RBM6: variants seen among roughly 807,000 people sequenced by gnomAD.
RBM6 encodes the protein RNA binding motif protein 6.
Under a neutral mutation model 140.4 loss-of-function variants are expected in RBM6, and 23 were observed. The observed-to-expected ratio is 0.16, with a 90% CI of 0.12 to 0.23. The LOEUF is 0.23. Among genes scored for constraint, RBM6 ranks in the 10% least tolerant of loss-of-function variants. The pLI, the probability that RBM6 is intolerant of heterozygous loss-of-function variation, is 1.00. For missense variants in RBM6, 1,139 were observed against 1,386.7 expected (o/e 0.82, Z 2.84); for synonymous variants, 439 against 475.6 (o/e 0.92, Z 1.00).
At chr3:49,944,564 C>A (rs950386932) in intron 1 of RBM6, among the ~76,000 whole-genome samples, 4 of 151,420 alleles carry the variant, frequency 2.6e-5, no homozygotes, top group Non-Finnish European at 4.4e-5. Flanking sequence ...CAACCTCTGC[C>A]TCCTGGGTTC....
intron 1 of RBM6, among the ~76,000 whole-genome samples, chr3:49,949,883 C>T (rs1210865721): frequency 6.6e-6 from 1 of 152,086 alleles, no homozygotes; most frequent in East Asian, 1.9e-4. Flanking sequence ...CCACCACGCT[C>T]AGCTAATTTA....
intron 6 of RBM6, among the ~76,000 whole-genome samples, chr3:50,040,679 T>C (rs2088864413): frequency 6.7e-6 from 1 of 150,346 alleles, no homozygotes; most frequent in African/African-American, 2.4e-5. Context: ...TTTTTTGAGA[T>C]TGGGTCTTAC....
At chr3:49,942,475 C>T (rs142562147) in intron 1 of RBM6, among the ~76,000 whole-genome samples, 124 of 141,544 alleles carry the variant, frequency 8.8e-4, no homozygotes, top group African/African-American at 1.8e-3. Flanking sequence ...GGCAACAGAG[C>T]GAGACTCCGA....
At position 49,967,149 on chromosome 3, in the gene RBM6, A is replaced by G; in HGVS notation, c.45-321A>G. On this transcript the variant is annotated intron_variant, in intron 2 of 20. Coordinates refer to ENST00000266022, the MANE Select transcript of RBM6 (RefSeq NM_005777.3). This position sits in a 1 kb window ranked among gnomAD's most constrained non-coding sequence, Gnocchi z 4.0. The stretch of plus-strand genomic sequence containing the variant: ...TGTAGGAAATGGAAATTTTTGTAGT[A>G]TGTCACCATTGTTAGCTTATTTGGT... 1.0e-6 allele frequency: 1 copy of G among 957,868 alleles called. No homozygotes were observed. The highest frequency in any genetic ancestry group is 1.3e-6 in the Non-Finnish European group (1 of 780,448). 59.3% of individuals were successfully genotyped at this position (957,868 alleles called of 1,614,324 possible).
intron 6 of RBM6, among the ~76,000 whole-genome samples, chr3:50,046,072 G>T (rs2108873271): frequency 6.6e-6 from 1 of 151,554 alleles, no homozygotes; most frequent in South Asian, 2.1e-4. Flanking sequence ...CACGAGGTCA[G>T]GAGTTCGAGA....
At chr3:50,052,297 C>T (rs1049817259) in intron 7 of RBM6, among the ~76,000 whole-genome samples, 7 of 152,082 alleles carry the variant, frequency 4.6e-5, no homozygotes, top group African/African-American at 9.7e-5. Flanking sequence ...ACTCCTGGCC[C>T]GAAATGATCC....
chr3:50,000,694 C>T (rs2086286162), intron 6 of RBM6, among the ~76,000 whole-genome samples: 1 of 152,164 alleles, frequency 6.6e-6, no homozygotes, highest in Non-Finnish European at 1.5e-5. Context: ...CCTGGGATTA[C>T]AGGCATGAGC....
chr3:50,065,063 T>A lies in RBM6; in HGVS notation c.2619T>A (p.Pro873=). Residue 873 remains proline, a synonymous_variant, in exon 16 of 21, where the codon CCT becomes CCA. Coordinates refer to ENST00000266022, the MANE Select transcript of RBM6 (RefSeq NM_005777.3). ...AAAATGCCAGTGAAGGGAAGGCCCCTGCAGAAGACGTCTTTAAGAAGCCCC... is the reference window on the plus strand; with the variant it reads ...AAAATGCCAGTGAAGGGAAGGCCCCAGCAGAAGACGTCTTTAAGAAGCCCC... ...FQENASEGKA[P]AEDVFKKPLP... 6.2e-7 allele frequency: 1 copy of A among 1,613,956 alleles called. No homozygotes were observed. Among genetic ancestry groups the A allele is most frequent in the Non-Finnish European group, 8.5e-7 (1 of 1,179,862 alleles).
chr3:50,022,709 T>G (rs763718285), intron 6 of RBM6, among the ~76,000 whole-genome samples: 1 of 152,196 alleles, frequency 6.6e-6, no homozygotes, highest in Non-Finnish European at 1.5e-5. Context: ...ATATTTCTTT[T>G]GTGACTTGTT....
chr3:49,986,360 C>T (rs1048462866), intron 5 of RBM6, among the ~76,000 whole-genome samples: 3 of 151,200 alleles, frequency 2.0e-5, no homozygotes, highest in African/African-American at 7.3e-5. Context: ...TTTGGGAGGC[C>T]GAGGCAAGCG....
chr3:50,028,585 T>TA (rs1315150290), intron 6 of RBM6, among the ~76,000 whole-genome samples: 2 of 152,140 alleles, frequency 1.3e-5, no homozygotes, highest in East Asian at 1.9e-4. Flanking sequence ...AGGGTAATCT[T>TA]AGAGTCATGA....
chr3:50,013,881 A>G (rs1189152463), intron 6 of RBM6, among the ~76,000 whole-genome samples: 1 of 152,094 alleles, frequency 6.6e-6, no homozygotes, highest in Non-Finnish European at 1.5e-5. Flanking sequence ...CTCCTCCCCA[A>G]CCACTGGACA....
At chr3:50,018,822 C>T (rs1181590982) in intron 6 of RBM6, among the ~76,000 whole-genome samples, 1 of 151,834 alleles carries the variant, frequency 6.6e-6, no homozygotes, top group Non-Finnish European at 1.5e-5. Flanking sequence ...ATCTTGTGAC[C>T]TCGTGATTCG....
intron 15 of RBM6, among the ~76,000 whole-genome samples, chr3:50,064,206 C>G (rs776915923): frequency 3.9e-5 from 6 of 152,144 alleles, no homozygotes; most frequent in Admixed American, 1.3e-4. Context: ...GCTGGGATTA[C>G]AGGCATGAGC....
chr3:50,010,307 A>G (rs534213203), intron 6 of RBM6, among the ~76,000 whole-genome samples: 2 of 152,276 alleles, frequency 1.3e-5, no homozygotes, highest in East Asian at 1.9e-4. Context: ...TGCAAATGCT[A>G]TTTCCAAAGG....
rs1426664416 is a variant in RBM6, at chr3:49,968,168, G to A, written c.743G>A (p.Arg248Lys). Residue 248 changes from arginine (R) to lysine (K), a missense_variant, in exon 3 of 21, where the codon AGG (arginine) becomes AAG (lysine). Around this residue, in one of 9 missense-constraint regions of RBM6, gnomAD observed 566 missense variants for 612.7 expected, o/e 0.92. Coordinates refer to ENST00000266022, the MANE Select transcript of RBM6 (RefSeq NM_005777.3). Reference sequence around the variant, plus strand: ...TCAGGTACTACTGATCTAGACTTTAGGGACAGGGATACGCCACATTCAGAT... The same window carrying A: ...TCAGGTACTACTGATCTAGACTTTAAGGACAGGGATACGCCACATTCAGAT... ...RGSGTTDLDF[R>K]DRDTPHSDFR... 1 of 1,614,148 alleles carries A rather than the reference G, an allele frequency of 6.2e-7. No individual in the cohort carries two copies.
At chr3:50,025,502 C>G (rs2087750843) in intron 6 of RBM6, among the ~76,000 whole-genome samples, 1 of 150,340 alleles carries the variant, frequency 6.7e-6, no homozygotes, top group African/African-American at 2.4e-5. Flanking sequence ...TAATATATAC[C>G]TACCTGTGAA....
chr3:50,076,025 G>A (rs2090448449), intron 20 of RBM6, among the ~76,000 whole-genome samples: 1 of 151,130 alleles, frequency 6.6e-6, no homozygotes, highest in African/African-American at 2.4e-5. Flanking sequence ...CTGGAATGCA[G>A]TGGTGCGATC....
chr3:49,952,413 A>T (rs537131715), intron 1 of RBM6, among the ~76,000 whole-genome samples: 2 of 151,502 alleles, frequency 1.3e-5, no homozygotes, highest in African/African-American at 4.8e-5. Flanking sequence ...TGATCTGCCC[A>T]CTTCAGCCTT....
Sources: gnomAD v4.1 joint callset for allele counts (sites outside exome capture counted in the v4.1 genomes callset) on GRCh38, gnomAD v4.1.1 for gene constraint, gnomAD v4.1.1 regional missense constraint, Gnocchi (gnomAD v3.1) non-coding constraint, MANE v1.5 for transcripts, NCBI Gene and HGNC (gene_info 2026-07-23, HGNC 2026-07-21) for gene names.